The following TACC2 variants were observed in gnomAD, a reference collection of about 807,000 sequenced individuals.
TACC2 encodes transforming acidic coiled-coil containing protein 2.
TACC2 carries 137 observed loss-of-function variants against 227.3 expected under a neutral mutation model. The ratio of observed to expected loss-of-function variants is 0.60; its 90% CI spans 0.52 to 0.69. The LOEUF (loss-of-function observed/expected upper bound fraction) is 0.69. Among genes scored for constraint, TACC2 ranks in the 30% least tolerant of loss-of-function variants. The probability of loss-of-function intolerance (pLI) is 0.00; values close to 1 mark genes in which losing one functional copy is unlikely to be tolerated. For missense variants in TACC2, 3,470 were observed against 3,694.4 expected (o/e 0.94, Z 1.57); for synonymous variants, 1,523 against 1,487.5 (o/e 1.02, Z -0.55).
chr10:122,134,737 G>A (rs544248642), intron 6 of TACC2, among the ~76,000 whole-genome samples: 2 of 152,298 alleles, frequency 1.3e-5, no homozygotes, highest in South Asian at 2.1e-4. Flanking sequence ...GAAGGGAGCC[G>A]AGATCACTCT....
intron 2 of TACC2, among the ~76,000 whole-genome samples, chr10:122,030,512 G>A (rs375912045): frequency 1.3e-5 from 2 of 152,096 alleles, no homozygotes; most frequent in East Asian, 1.9e-4. Flanking sequence ...TAGTTAGGAA[G>A]GTAAAAATGC....
At chr10:122,007,823 C>T (rs745912295) in intron 1 of TACC2, among the ~76,000 whole-genome samples, 8 of 152,042 alleles carry the variant, frequency 5.3e-5, no homozygotes, top group Non-Finnish European at 7.3e-5. Flanking sequence ...AAAGGTGGGG[C>T]CTTTAATAGG....
At chr10:122,128,285 A>G (rs546684868) in intron 5 of TACC2, among the ~76,000 whole-genome samples, 2 of 152,226 alleles carry the variant, frequency 1.3e-5, no homozygotes, top group Non-Finnish European at 2.9e-5. Flanking sequence ...CACAGCACTA[A>G]TGTCACTCAC....
At position 122,084,805 on chromosome 10, in the gene TACC2, G is replaced by A; in HGVS notation, c.2305G>A (p.Ala769Thr). 3 of 1,613,718 alleles carry A rather than the reference G, an allele frequency of 1.9e-6. No individual in the cohort carries two copies. The highest frequency in any genetic ancestry group is 2.2e-5 in the East Asian group (1 of 44,888). ...PDQPRGPACD[A>T]SRQEFHAGVP... ...TCAACCCCGCGGGCCGGCGTGTGAT[G>A]CGTCGAGACAGGAATTTCATGCTGG... Residue 769 changes from alanine (A) to threonine (T), a missense_variant, in exon 4 of 23, where the codon GCG (alanine) becomes ACG (threonine). Transcript: ENST00000369005.
At chr10:122,235,696 A>G (rs995829851) in intron 16 of TACC2, among the ~76,000 whole-genome samples, 5 of 152,210 alleles carry the variant, frequency 3.3e-5, no homozygotes, top group Non-Finnish European at 7.3e-5. Context: ...GAACCCCTGC[A>G]TGTGAGGCTC....
At chr10:122,088,050 G>A (rs2080282892) in intron 4 of TACC2, 91 bp downstream of exon 4, 1 of 1,363,528 alleles carries the variant, frequency 7.3e-7, no homozygotes, top group East Asian at 2.5e-5. Context: ...GCATAGGTGA[G>A]TGGTTTTCTA....
intron 7 of TACC2, among the ~76,000 whole-genome samples, chr10:122,164,206 T>C (rs534760523): frequency 4.6e-5 from 7 of 152,260 alleles, no homozygotes; most frequent in African/African-American, 1.7e-4. Context: ...TTCCCTGGAA[T>C]TCAGTTTTGG....
rs1224501102 is a variant in TACC2 at position 122,195,035 on chromosome 10, A to G, written c.5835-5A>G. ...TCTAACCTGTGCTTCTCCCTCTCTC[A>G]TCAGGAGTTCCGATTCTGAAGAGGC... On this transcript the variant is annotated splice_polypyrimidine_tract_variant and splice_region_variant and intron_variant, in intron 7 of 22. Transcript: ENST00000369005. 3 of 1,608,942 alleles carry G rather than the reference A, an allele frequency of 1.9e-6. No individual in the cohort carries two copies. The highest frequency in any genetic ancestry group is 2.7e-5 in the African/African-American group (2 of 74,988).
chr10:122,164,862 A>G (rs1244560824), intron 7 of TACC2, among the ~76,000 whole-genome samples: 1 of 152,148 alleles, frequency 6.6e-6, no homozygotes, highest in Non-Finnish European at 1.5e-5. Context: ...GGGTAGGGGT[A>G]GTAAAGTGGG....
At chr10:122,242,025 C>G (rs777297342) in intron 19 of TACC2, 24 bp downstream of exon 19, 4 of 1,609,540 alleles carry the variant, frequency 2.5e-6, no homozygotes, top group Admixed American at 3.3e-5. Flanking sequence ...CCTGCGGGGG[C>G]TCAGGCCGGC....
intron 2 of TACC2, chr10:122,023,859 C>T (rs1957654744): frequency 1.3e-5 from 2 of 149,862 alleles, no homozygotes; most frequent in Admixed American, 1.3e-4. Context: ...ACAACAGGGA[C>T]AGGCAAGTGC....
intron 11 of TACC2, among the ~76,000 whole-genome samples, chr10:122,224,232 C>T (rs933139087): frequency 2.6e-5 from 4 of 152,186 alleles, no homozygotes; most frequent in Admixed American, 6.5e-5. Context: ...TAACCAGCAG[C>T]GCTGAAGGAA....
At chr10:122,229,507 CT>C in intron 15 of TACC2, 21 bp downstream of exon 15, 1 of 1,613,618 alleles carries the variant, frequency 6.2e-7, no homozygotes, top group East Asian at 2.2e-5. Flanking sequence ...CACGTGTGAC[CT>C]TTTGGGAGTT....
At chr10:122,220,358 T>C (rs768738617) in intron 11 of TACC2, among the ~76,000 whole-genome samples, 4 of 152,152 alleles carry the variant, frequency 2.6e-5, no homozygotes, top group Non-Finnish European at 5.9e-5. Context: ...CCCATTACCT[T>C]AGAAAATGGG....
intron 2 of TACC2, among the ~76,000 whole-genome samples, chr10:122,030,953 T>A (rs1427995027): frequency 1.3e-5 from 2 of 152,036 alleles, no homozygotes; most frequent in Non-Finnish European, 1.5e-5. Flanking sequence ...GTGATCCCCC[T>A]CTTGGGTACC....
intron 3 of TACC2, among the ~76,000 whole-genome samples, chr10:122,080,798 A>G (rs1451019772): frequency 1.3e-5 from 2 of 152,184 alleles, no homozygotes. Flanking sequence ...GAAAACTGGA[A>G]TTTTGGTAGC....
chr10:122,231,401 G>A (rs886749734), intron 16 of TACC2, among the ~76,000 whole-genome samples: 4 of 152,192 alleles, frequency 2.6e-5, no homozygotes, highest in African/African-American at 7.2e-5. Flanking sequence ...TAGTATTGCC[G>A]TTCGTGAGAT....
chr10:122,173,698 G>T (rs1225343597), intron 7 of TACC2, among the ~76,000 whole-genome samples: 1 of 152,236 alleles, frequency 6.6e-6, no homozygotes, highest in African/African-American at 2.4e-5. Flanking sequence ...GTCTGTGGAA[G>T]GTGGTCCTTT....
intron 3 of TACC2, among the ~76,000 whole-genome samples, chr10:122,080,608 G>A (rs571487561): frequency 2.6e-5 from 4 of 152,210 alleles, no homozygotes; most frequent in African/African-American, 9.6e-5. Flanking sequence ...AATCCCAACT[G>A]CCTCCTTAAA....
Sources: gnomAD v4.1 joint callset for allele counts (sites outside exome capture counted in the v4.1 genomes callset) on GRCh38, gnomAD v4.1.1 for gene constraint, MANE v1.5 for transcripts, NCBI Gene and HGNC (gene_info 2026-07-23, HGNC 2026-07-21) for gene names.